Variants in FAM117B observed in about 807,000 individuals in gnomAD.
FAM117B encodes family with sequence similarity 117 member B.
Under a neutral mutation model 52.8 loss-of-function variants are expected in FAM117B, and 22 were observed. The ratio of observed to expected loss-of-function variants is 0.42; its 90% CI spans 0.30 to 0.59. The LOEUF (loss-of-function observed/expected upper bound fraction) is 0.59, where lower values mean the gene tolerates loss of function less well. Ranked by LOEUF, FAM117B falls within the 20% of genes least tolerant of loss-of-function variation. FAM117B has a pLI of 0.22. For missense variants in FAM117B, 678 were observed against 802.6 expected (o/e 0.84, Z 1.88); for synonymous variants, 309 against 324.1 (o/e 0.95, Z 0.50).
intron 4 of FAM117B, among the ~76,000 whole-genome samples, chr2:202,751,043 A>C (rs1691713086): frequency 6.6e-6 from 1 of 152,180 alleles, no homozygotes. Context: ...ATAAACATAG[A>C]ATTTATGTTT....
intron 2 of FAM117B, among the ~76,000 whole-genome samples, chr2:202,708,794 G>A (rs1295974647): frequency 1.3e-5 from 2 of 152,074 alleles, no homozygotes; most frequent in Non-Finnish European, 2.9e-5. Flanking sequence ...TTTAGAGATG[G>A]AGTGTCACTT....
chr2:202,721,512 G>A (rs185961376), intron 2 of FAM117B, among the ~76,000 whole-genome samples: 1 of 152,050 alleles, frequency 6.6e-6, no homozygotes, highest in Admixed American at 6.6e-5. Context: ...TGGCCTAATG[G>A]AATGAAAATA....
At chr2:202,761,455 T>G (rs963559600) in intron 7 of FAM117B, among the ~76,000 whole-genome samples, 1 of 152,200 alleles carries the variant, frequency 6.6e-6, no homozygotes, top group African/African-American at 2.4e-5. Flanking sequence ...TGTGTGTGTG[T>G]GTCTGTAGAT....
At chr2:202,764,995 C>T (rs1325227158) in intron 7 of FAM117B, among the ~76,000 whole-genome samples, 1 of 152,152 alleles carries the variant, frequency 6.6e-6, no homozygotes, top group Admixed American at 6.5e-5. Flanking sequence ...CTTTAATTTC[C>T]TTGCTGTCTC....
rs572219168 is a variant in FAM117B at position 202,654,665 on chromosome 2, C to G, written c.601+18877C>G. Among the ~76,000 whole-genome samples, 364 of 137,448 alleles carry G rather than the reference C, an allele frequency of 2.6e-3. 2 individuals carry two copies. The highest frequency in any genetic ancestry group is 3.3e-3 in the Non-Finnish European group (205 of 63,066). 90.2% of individuals were successfully genotyped at this position (137,448 alleles called of 152,430 possible). ...AATAGAACAGTTTCCCCTTTGTAAT[C>G]TTTTTTTTTTTTTTGCCCATATTGG... On this transcript the variant is annotated intron_variant, in intron 1 of 7. Transcript: ENST00000392238.
chr2:202,642,120 T>C (rs1036051730), intron 1 of FAM117B, among the ~76,000 whole-genome samples: 27 of 146,072 alleles, frequency 1.8e-4, no homozygotes, highest in East Asian at 5.9e-4. Flanking sequence ...TTTTGTACTT[T>C]TTTTTTTTTT....
intron 1 of FAM117B, among the ~76,000 whole-genome samples, chr2:202,669,255 A>C (rs1253825154): frequency 6.6e-6 from 1 of 152,192 alleles, no homozygotes; most frequent in Non-Finnish European, 1.5e-5. Context: ...CAAAATAAGT[A>C]TTTCAAAATT....
chr2:202,712,419 C>CTTTTTTTTTTTT (rs1186703318), intron 2 of FAM117B, among the ~76,000 whole-genome samples: 1 of 89,458 alleles, frequency 1.1e-5, no homozygotes, highest in African/African-American at 4.5e-5. Context: ...TATCAGCTCT[C>CTTTTTTTTTTTT]TTTTTTTTTT....
At chr2:202,709,159 T>C (rs1690921269) in intron 2 of FAM117B, among the ~76,000 whole-genome samples, 1 of 152,122 alleles carries the variant, frequency 6.6e-6, no homozygotes, top group South Asian at 2.1e-4. Context: ...GAGAAATGTC[T>C]ATTCAAGTCC....
At chr2:202,747,735 G>C (rs986123082) in intron 4 of FAM117B, among the ~76,000 whole-genome samples, 6 of 151,914 alleles carry the variant, frequency 3.9e-5, no homozygotes, top group African/African-American at 1.4e-4. Flanking sequence ...AAAAAACCCT[G>C]AGAATAAATT....
rs1288069847 is a variant in FAM117B at position 202,707,821 on chromosome 2, T to C, written c.753+11789T>C. 4.6e-5 allele frequency among the ~76,000 whole-genome samples: 7 copies of C among 151,646 alleles called. No homozygotes were observed. In the East Asian group the frequency reaches 1.4e-3, roughly 30 times the overall value. On this transcript the variant is annotated intron_variant, in intron 2 of 7. Transcript: ENST00000392238. ...TCTTGCTCTGTTGCCCAGGCTGGAG[T>C]GCAGCAGTGCAATCTTGGCTCACTG...
intron 1 of FAM117B, among the ~76,000 whole-genome samples, chr2:202,693,235 A>G (rs1690662069): frequency 6.6e-6 from 1 of 152,268 alleles, no homozygotes; most frequent in African/African-American, 2.4e-5. Context: ...CATTATAGAA[A>G]TGCCTAAATT....
intron 2 of FAM117B, among the ~76,000 whole-genome samples, chr2:202,708,517 G>A (rs372776007): frequency 4.6e-5 from 7 of 152,082 alleles, no homozygotes; most frequent in African/African-American, 1.4e-4. Context: ...GAATAGCGCC[G>A]CAGTGAACAT....
chr2:202,674,957 G>A (rs544025755), intron 1 of FAM117B, among the ~76,000 whole-genome samples: 1 of 152,142 alleles, frequency 6.6e-6, no homozygotes, highest in East Asian at 1.9e-4. Flanking sequence ...AGTTGGGGCC[G>A]GATGCAGTGG....
chr2:202,751,768 T>C (rs1384845782), intron 4 of FAM117B, among the ~76,000 whole-genome samples: 1 of 57,710 alleles, frequency 1.7e-5, no homozygotes, highest in Non-Finnish European at 3.1e-5. Flanking sequence ...CGAGACTCCA[T>C]CTCAAAAAAA....
At position 202,640,295 on chromosome 2, in the gene FAM117B, AATATATATATATATATATATATATAT is replaced by A. The variant is rs539187347; in HGVS notation, c.601+4530_601+4555del. ...ACAACAACCACCACCACCACCACAA[AATATATATATATATATATATATATAT>A]ATATATATATATATATATATATGGC... On this transcript the variant is annotated intron_variant, in intron 1 of 7. Transcript: ENST00000392238. Among the ~76,000 whole-genome samples, 109 of 51,306 alleles carry A rather than the reference AATATATATATATATATATATATATAT, an allele frequency of 2.1e-3. 4 individuals are homozygous for A. Among genetic ancestry groups the A allele is most frequent in the East Asian group, 4.9e-3 (6 of 1,224 alleles). The allele number at this position is 51,306 out of a possible 152,430, so 33.7% of individuals were successfully genotyped here. A position where few individuals can be genotyped will look rare whatever the true frequency, so the allele number is the denominator to read the frequency against.
chr2:202,759,131 C>T, intron 6 of FAM117B, 102 bp from the exon 7 acceptor site: 1 of 1,250,568 alleles, frequency 8.0e-7, no homozygotes, highest in East Asian at 2.4e-5. Flanking sequence ...TAATAAAGCA[C>T]TGTTCCTGCC....
rs1460654777 is a variant in FAM117B, at chr2:202,765,432, T to G, written c.1452-14T>G. The G allele has an allele frequency of 1.2e-6, 2 of 1,610,148 alleles. No individual in the cohort carries two copies. Among genetic ancestry groups the G allele is most frequent in the Non-Finnish European group, 1.7e-6 (2 of 1,177,706 alleles). ...AGTGACTTAAAAGCATTGGGTTGTC[T>G]GTTCTATGTCTAGGCCAAAACAGCT... On this transcript the variant is annotated splice_polypyrimidine_tract_variant and intron_variant, in intron 7 of 7. Coordinates refer to ENST00000392238, the MANE Select transcript of FAM117B (RefSeq NM_173511.4).
chr2:202,740,160 G>A (rs1265540269), intron 4 of FAM117B, among the ~76,000 whole-genome samples: 58 of 95,016 alleles, frequency 6.1e-4, no homozygotes, highest in African/African-American at 2.3e-3. Flanking sequence ...AGGACAGAGC[G>A]AGACTTCATC....
Sources: allele counts gnomAD v4.1 joint callset (sites outside exome capture counted in the v4.1 genomes callset), GRCh38; gene constraint gnomAD v4.1.1; transcripts MANE v1.5; gene names NCBI Gene and HGNC (gene_info 2026-07-23, HGNC 2026-07-21).